The following PIGN variants were observed in gnomAD, a reference collection of about 807,000 sequenced individuals.
PIGN encodes phosphatidylinositol glycan anchor biosynthesis class N, also known as GPI ethanolamine phosphate transferase 1.
PIGN carries 117 observed loss-of-function variants against 125.4 expected under a neutral mutation model. The ratio of observed to expected loss-of-function variants is 0.93; its 90% confidence interval spans 0.80 to 1.09. The LOEUF (loss-of-function observed/expected upper bound fraction) is 1.09. Ranked by LOEUF, PIGN falls within the 50% of genes least tolerant of loss-of-function variation. The probability of loss-of-function intolerance (pLI) is 0.00; values close to 1 mark genes in which losing one functional copy is unlikely to be tolerated. For missense variants in PIGN, 1,075 were observed against 1,094.9 expected (o/e 0.98, Z 0.26); for synonymous variants, 392 against 377.8 (o/e 1.04, Z -0.44).
In PIGN at chr18:62,138,299, C is replaced by A; in HGVS notation, c.1117-1G>T. Reference sequence around the variant, plus strand: ...CTTCTTTCTTCTGAGTCATTTTCACCTGGGAACCAAGTATGAAAATATTAC... The same window carrying A: ...CTTCTTTCTTCTGAGTCATTTTCACATGGGAACCAAGTATGAAAATATTAC... On this transcript the variant is annotated splice_acceptor_variant, in intron 13 of 30. Coordinates refer to ENST00000640252, the MANE Select transcript of PIGN (RefSeq NM_176787.5). LOFTEE classifies it high-confidence loss of function. 1 of 1,539,246 alleles carries A rather than the reference C, an allele frequency of 6.5e-7. No individual in the cohort carries two copies. Among genetic ancestry groups the A allele is most frequent in the Non-Finnish European group, 8.8e-7 (1 of 1,140,818 alleles).
At chr18:62,181,121 A>G (rs1416754875) in intron 1 of PIGN, among the ~76,000 whole-genome samples, 1 of 152,158 alleles carries the variant, frequency 6.6e-6, no homozygotes, top group African/African-American at 2.4e-5. Context: ...ATAAAATTAC[A>G]CATCAGAAAG....
chr18:62,138,882 A>C (rs1254501948), intron 13 of PIGN, 101 bp downstream of exon 13: 1 of 633,478 alleles, frequency 1.6e-6, no homozygotes, highest in African/African-American at 1.8e-5. Flanking sequence ...ATTACAGGGA[A>C]ATAGTTAAAA....
At chr18:62,092,477 C>A (rs2034005823) in intron 23 of PIGN, among the ~76,000 whole-genome samples, 1 of 151,984 alleles carries the variant, frequency 6.6e-6, no homozygotes, top group African/African-American at 2.4e-5. Context: ...TGCATAAAAA[C>A]ATAACTCAAA....
intron 14 of PIGN, chr18:62,135,627 T>A (rs2035901408): frequency 1.4e-5 from 2 of 144,490 alleles, no homozygotes; most frequent in Non-Finnish European, 3.0e-5. Flanking sequence ...GTCTTTTTTT[T>A]TTTTTTTTTT....
chr18:62,071,896 A>ATATATG (rs2032890207), intron 30 of PIGN, among the ~76,000 whole-genome samples: 1 of 132,064 alleles, frequency 7.6e-6, no homozygotes, highest in African/African-American at 2.9e-5. Context: ...ATATATATAT[A>ATATATG]TATATATATA....
At chr18:62,157,960 G>A (rs1364864991) in intron 4 of PIGN, 152 bp from the exon 5 acceptor site, 5 of 654,494 alleles carry the variant, frequency 7.6e-6, no homozygotes, top group African/African-American at 5.5e-5. Flanking sequence ...AATTCCAGGT[G>A]AGCCCATTCC....
intron 23 of PIGN, among the ~76,000 whole-genome samples, chr18:62,092,902 A>G (rs2034027757): frequency 6.6e-6 from 1 of 152,086 alleles, no homozygotes; most frequent in African/African-American, 2.4e-5. Context: ...CTCTTTCTCT[A>G]GTCAGTCTTC....
intron 14 of PIGN, among the ~76,000 whole-genome samples, chr18:62,117,200 G>C (rs76795556): frequency 4.0e-5 from 6 of 151,788 alleles, no homozygotes; most frequent in Non-Finnish European, 5.9e-5. Flanking sequence ...CCAAATATAC[G>C]TTTTATTTTT....
At position 62,175,877 on chromosome 18, in the gene PIGN, G is replaced by A. The variant is rs190594440; in HGVS notation, c.-236+10967C>T. ...CAAAGAGAAATTTTACTTATTTTGGGGAATATGGCAGGAAGAGAGCTAATA... is the reference window on the plus strand; with the variant it reads ...CAAAGAGAAATTTTACTTATTTTGGAGAATATGGCAGGAAGAGAGCTAATA... On this transcript the variant is annotated intron_variant, in intron 1 of 30. Transcript: ENST00000640252. 2.8e-3 allele frequency among the ~76,000 whole-genome samples: 428 copies of A among 152,158 alleles called. 2 individuals carry two copies. Among genetic ancestry groups the A allele is most frequent in the African/African-American group, 9.8e-3 (407 of 41,506 alleles).
chr18:62,068,573 C>T (rs1236969338), intron 30 of PIGN, among the ~76,000 whole-genome samples: 2 of 152,150 alleles, frequency 1.3e-5, no homozygotes, highest in East Asian at 3.9e-4. Flanking sequence ...CCAGATCCTA[C>T]CCCTGAAACT....
intron 14 of PIGN, among the ~76,000 whole-genome samples, chr18:62,125,871 A>G (rs1599580856): frequency 6.6e-6 from 1 of 152,120 alleles, no homozygotes; most frequent in East Asian, 1.9e-4. Context: ...TGAAAAACAC[A>G]AAAATCAGTG....
downstream of PIGN, among the ~76,000 whole-genome samples, chr18:62,038,258 C>T (rs1004026718): frequency 5.4e-5 from 8 of 149,188 alleles, no homozygotes; most frequent in African/African-American, 9.9e-5. Context: ...TCGGATTTCT[C>T]GTAATCCACC....
intron 14 of PIGN, among the ~76,000 whole-genome samples, chr18:62,119,518 T>A (rs1022888820): frequency 6.6e-6 from 1 of 152,180 alleles, no homozygotes; most frequent in Non-Finnish European, 1.5e-5. Context: ...AGAAGATAAA[T>A]CTGGTGTAAC....
chr18:62,156,369 C>T (rs950645988), intron 6 of PIGN, among the ~76,000 whole-genome samples: 2 of 152,108 alleles, frequency 1.3e-5, no homozygotes, highest in Middle Eastern at 3.4e-3. Flanking sequence ...TGCTCTGTTG[C>T]CCAGGCTGGA....
intron 14 of PIGN, among the ~76,000 whole-genome samples, 195 bp from the exon 15 acceptor site, chr18:62,114,834 T>C (rs1157502335): frequency 6.6e-6 from 1 of 152,238 alleles, no homozygotes; most frequent in African/African-American, 2.4e-5. Flanking sequence ...AATTTGGTTT[T>C]CTTGACTCGA....
chr18:62,033,475 T>C (rs2030219849), intron 23 of PIGN, among the ~76,000 whole-genome samples: 1 of 152,266 alleles, frequency 6.6e-6, no homozygotes, highest in Non-Finnish European at 1.5e-5. Context: ...TATCTGTTAC[T>C]TCTTCTAAAG....
intron 14 of PIGN, among the ~76,000 whole-genome samples, chr18:62,130,005 G>A (rs1252480431): frequency 1.3e-5 from 2 of 152,074 alleles, no homozygotes; most frequent in African/African-American, 4.8e-5. Context: ...GAGACACAAG[G>A]AAGAAGACCA....
chr18:62,178,233 A>T (rs559572775), intron 1 of PIGN, among the ~76,000 whole-genome samples: 1 of 152,104 alleles, frequency 6.6e-6, no homozygotes, highest in Non-Finnish European at 1.5e-5. Flanking sequence ...ATTAAATGCC[A>T]CAGCACTCTG....
intron 23 of PIGN, among the ~76,000 whole-genome samples, chr18:62,093,073 T>C (rs1173191132): frequency 1.3e-5 from 2 of 152,092 alleles, no homozygotes; most frequent in Non-Finnish European, 1.5e-5. Context: ...TGCATAGTGC[T>C]CTGGACACTG....
Sources: allele counts gnomAD v4.1 joint callset (sites outside exome capture counted in the v4.1 genomes callset), GRCh38; gene constraint gnomAD v4.1.1; transcripts MANE v1.5; gene names NCBI Gene and HGNC (gene_info 2026-07-23, HGNC 2026-07-21).